Variants in FHIT observed in about 807,000 individuals in gnomAD.
FHIT encodes the protein bis(5'-adenosyl)-triphosphatase.
In FHIT, 19 loss-of-function variants were observed where a neutral mutation model predicts 17.9. That is an observed-to-expected ratio of 1.06 (90% CI 0.74 to 1.56). The LOEUF (loss-of-function observed/expected upper bound fraction) is 1.56. Among genes scored for constraint, FHIT ranks in the 40% most tolerant of loss-of-function variants. The pLI, the probability that FHIT is intolerant of heterozygous loss-of-function variation, is 0.00. For missense variants in FHIT, 248 were observed against 189.2 expected, an observed-to-expected ratio of 1.31 and a Z score of -1.82; for synonymous variants, 81 against 69.7, an observed-to-expected ratio of 1.16 and a Z score of -0.81.
chr3:60,597,616 G>T (rs1333789865), intron 4 of FHIT, among the ~76,000 whole-genome samples: 3 of 152,090 alleles, frequency 2.0e-5, no homozygotes, highest in African/African-American at 2.4e-5. Flanking sequence ...TGAAGTCTAA[G>T]TCTCAGTCTC....
intron 3 of FHIT, among the ~76,000 whole-genome samples, chr3:60,973,123 A>T (rs1710092227): frequency 1.3e-5 from 2 of 152,148 alleles, no homozygotes; most frequent in Non-Finnish European, 2.9e-5. Flanking sequence ...TGAATGACAG[A>T]TACACTTTTT....
intron 2 of FHIT, among the ~76,000 whole-genome samples, chr3:61,066,845 A>C (rs2034628333): frequency 6.6e-6 from 1 of 152,184 alleles, no homozygotes; most frequent in Non-Finnish European, 1.5e-5. Flanking sequence ...ATGAGACAGT[A>C]AACACTGGAA....
chr3:60,175,327 G>T (rs960431088), intron 5 of FHIT, among the ~76,000 whole-genome samples: 3 of 152,184 alleles, frequency 2.0e-5, no homozygotes, highest in Non-Finnish European at 4.4e-5. Flanking sequence ...AGAGGAAAAT[G>T]TGGAATGCTG....
chr3:61,185,916 T>G (rs1029176793), intron 2 of FHIT, among the ~76,000 whole-genome samples: 7 of 152,204 alleles, frequency 4.6e-5, no homozygotes, highest in African/African-American at 9.6e-5. Context: ...ATATATAGAC[T>G]GTGATTCTCA....
chr3:60,107,150 C>CTTTTTTTTT (rs540311961), intron 5 of FHIT, among the ~76,000 whole-genome samples: 9 of 95,156 alleles, frequency 9.5e-5, no homozygotes, highest in African/African-American at 1.2e-4. Flanking sequence ...AGCTTTAATT[C>CTTTTTTTTT]TTTTTTTTTT....
intron 4 of FHIT, among the ~76,000 whole-genome samples, chr3:60,639,042 C>T (rs2039660584): frequency 6.9e-6 from 1 of 144,190 alleles, no homozygotes; most frequent in Non-Finnish European, 1.5e-5. Context: ...AGCATCAGAG[C>T]ACAACCAAGG....
chr3:61,049,530 A>T (rs1015135847), intron 2 of FHIT, among the ~76,000 whole-genome samples: 4 of 152,144 alleles, frequency 2.6e-5, no homozygotes, highest in African/African-American at 9.7e-5. Flanking sequence ...GAACAGTCTG[A>T]CAATACCTGA....
At chr3:60,286,127 T>C (rs377559821) in intron 5 of FHIT, among the ~76,000 whole-genome samples, 1 of 152,126 alleles carries the variant, frequency 6.6e-6, no homozygotes, top group African/African-American at 2.4e-5. Context: ...CTATTCTCTA[T>C]CCTAGTTTCA....
intron 7 of FHIT, among the ~76,000 whole-genome samples, chr3:59,949,292 C>T (rs904367365): frequency 6.6e-6 from 1 of 152,194 alleles, no homozygotes; most frequent in South Asian, 2.1e-4. Flanking sequence ...GACCTTTTAT[C>T]CTGTCTATCT....
chr3:60,240,017 T>A (rs977545985), intron 5 of FHIT, among the ~76,000 whole-genome samples: 2 of 152,164 alleles, frequency 1.3e-5, no homozygotes, highest in Non-Finnish European at 2.9e-5. Flanking sequence ...ACTGCTATCA[T>A]AGGATTAAAT....
chr3:60,236,040 A>C (rs183571400), intron 5 of FHIT, among the ~76,000 whole-genome samples: 1 of 152,034 alleles, frequency 6.6e-6, no homozygotes, highest in East Asian at 1.9e-4. Flanking sequence ...TGCTGCACGT[A>C]GTTCTCACAC....
At chr3:61,023,630 G>A (rs898599470) in intron 3 of FHIT, among the ~76,000 whole-genome samples, 1 of 152,160 alleles carries the variant, frequency 6.6e-6, no homozygotes, top group African/African-American at 2.4e-5. Context: ...AAAACAGCAT[G>A]ATACTGGTAC....
intron 4 of FHIT, among the ~76,000 whole-genome samples, chr3:60,581,378 A>G (rs560891907): frequency 1.2e-4 from 19 of 152,226 alleles, no homozygotes; most frequent in Admixed American, 1.0e-3. Flanking sequence ...CCTCTATCAT[A>G]TGCTGTCTTG....
intron 8 of FHIT, among the ~76,000 whole-genome samples, chr3:59,899,696 A>G (rs941489447): frequency 6.6e-6 from 1 of 151,900 alleles, no homozygotes; most frequent in Non-Finnish European, 1.5e-5. Flanking sequence ...CAAAAAAAAA[A>G]TTAGCTGGGT....
intron 4 of FHIT, among the ~76,000 whole-genome samples, chr3:60,759,386 A>C (rs1385983754): frequency 6.6e-6 from 1 of 152,240 alleles, no homozygotes; most frequent in Non-Finnish European, 1.5e-5. Flanking sequence ...ATGAGTAGGC[A>C]TGGGATGTGT....
At chr3:60,089,269 A>C (rs905035258) in intron 5 of FHIT, among the ~76,000 whole-genome samples, 1 of 152,196 alleles carries the variant, frequency 6.6e-6, no homozygotes, top group African/African-American at 2.4e-5. Context: ...TTTTCTTTAG[A>C]GCACTTACCA....
intron 5 of FHIT, among the ~76,000 whole-genome samples, chr3:60,185,017 C>T (rs917849935): frequency 6.6e-6 from 1 of 152,084 alleles, no homozygotes; most frequent in African/African-American, 2.4e-5. Flanking sequence ...GGCACTATAA[C>T]GTGCTCCAGG....
At chr3:60,372,588 GC>G (rs1416615656) in intron 5 of FHIT, among the ~76,000 whole-genome samples, 1 of 152,130 alleles carries the variant, frequency 6.6e-6, no homozygotes, top group Non-Finnish European at 1.5e-5. Context: ...ACAAGTTCGG[GC>G]CGATCTACTT....
intron 4 of FHIT, among the ~76,000 whole-genome samples, chr3:60,645,614 C>A (rs2039837086): frequency 6.6e-6 from 1 of 152,140 alleles, no homozygotes; most frequent in South Asian, 2.1e-4. Flanking sequence ...GGACCAGGAT[C>A]ATGACTTTCT....
Sources: allele counts gnomAD v4.1 joint callset (sites outside exome capture counted in the v4.1 genomes callset), GRCh38; gene constraint gnomAD v4.1.1; transcripts MANE v1.5; gene names NCBI Gene and HGNC (gene_info 2026-07-23, HGNC 2026-07-21).